Variants in ITGA2 observed in about 807,000 individuals in gnomAD.
ITGA2 encodes integrin subunit alpha 2, also known as integrin alpha-2.
In ITGA2, 101 loss-of-function variants were observed where a neutral mutation model predicts 146.3. The observed-to-expected ratio is 0.69, with a 90% CI of 0.59 to 0.81. The LOEUF (loss-of-function observed/expected upper bound fraction) is 0.81, where lower values mean the gene tolerates loss of function less well. ITGA2 is among the 40% of genes least tolerant of loss of function. The pLI, the probability that ITGA2 is intolerant of heterozygous loss-of-function variation, is 0.00. For synonymous variants in ITGA2, 477 were observed against 487.1 expected, an observed-to-expected ratio of 0.98 and a Z score of 0.27; for missense variants, 1,281 against 1,402.7, an observed-to-expected ratio of 0.91 and a Z score of 1.39.
rs548541753 is a variant in ITGA2, at chr5:53,004,894, G to GTTTTTTTT, written c.64+15394_64+15401dup. ...TACAACTTCTAAGTTTAGTTGCTTT[G>GTTTTTTTT]TTTTTTTTTTTTTTTTTTTTTTTTT... On this transcript the variant is annotated intron_variant, in intron 1 of 29. Coordinates refer to ENST00000296585, the MANE Select transcript of ITGA2 (RefSeq NM_002203.4). Among the ~76,000 whole-genome samples, 22 of 55,944 alleles carry GTTTTTTTT rather than the reference G, an allele frequency of 3.9e-4. 1 individual carries two copies. Among genetic ancestry groups the GTTTTTTTT allele is most frequent in the South Asian group, 1.8e-3 (2 of 1,120 alleles). 36.7% of individuals were successfully genotyped at this position (55,944 alleles called of 152,430 possible). A position where few individuals can be genotyped will look rare whatever the true frequency, so the allele number is the denominator to read the frequency against.
chr5:53,020,260 CAT>C (rs762594270), intron 1 of ITGA2, among the ~76,000 whole-genome samples: 3 of 152,160 alleles, frequency 2.0e-5, no homozygotes, highest in Non-Finnish European at 2.9e-5. Context: ...AGAGAAAAAA[CAT>C]AGAATCATGG....
At position 53,092,925 on chromosome 5, in the gene ITGA2, T is replaced by C. The variant is rs1349621113; in HGVS notation, c.*2326T>C. 1 of 148,908 alleles carries C rather than the reference T, an allele frequency of 6.7e-6. No homozygotes were observed. The allele number at this position is 148,908 out of a possible 1,614,324, so 9.2% of individuals were successfully genotyped here. ...GAGTTTGAGACTAGCCTGGCCAACA[T>C]GGTGAAACCCCATCTCTAATAATAT... On this transcript the variant is annotated 3_prime_UTR_variant, in exon 30 of 30. Transcript: ENST00000296585.
intron 4 of ITGA2, among the ~76,000 whole-genome samples, chr5:53,046,010 G>A (rs1171527835): frequency 1.3e-5 from 2 of 151,576 alleles, no homozygotes; most frequent in East Asian, 3.9e-4. Context: ...GGCCAACATG[G>A]TGAAACCCCA....
In ITGA2 at chr5:53,025,900, C is replaced by G. The variant is rs370859016; in HGVS notation, c.65-848C>G. On this transcript the variant is annotated intron_variant, in intron 1 of 29. Coordinates refer to ENST00000296585, the MANE Select transcript of ITGA2 (RefSeq NM_002203.4). ...CAGCATTAATGCTGTCAGTGTCATA[C>G]AGAGAAACATGATTTGCCTTATTCC... Among the ~76,000 whole-genome samples the G allele has an allele frequency of 3.3e-5, 5 of 152,284 alleles. No individual in the cohort carries two copies. The East Asian group carries it at 5.8e-4, about 18-fold the overall frequency.
intron 2 of ITGA2, among the ~76,000 whole-genome samples, chr5:53,032,994 T>C (rs1379696646): frequency 6.6e-6 from 1 of 152,124 alleles, no homozygotes; most frequent in African/African-American, 2.4e-5. Flanking sequence ...AGGGCTGGGC[T>C]CGGTGGCTCA....
rs775596093 is a variant in ITGA2 at position 53,055,664 on chromosome 5, C to G, written c.906C>G (p.Asp302Glu). Residue 302 changes from aspartate (D) to glutamate (E), a missense_variant, in exon 8 of 30, where the codon GAC (aspartate) becomes GAG (glutamate). Asp to Glu is a conservative substitution (Grantham distance 45). This residue lies in a region of ITGA2 where 795 missense variants were observed against 841.7 expected (regional missense o/e 0.94). Coordinates refer to ENST00000296585, the MANE Select transcript of ITGA2 (RefSeq NM_002203.4). ...CTGTGATTGATCAATGCAACCATGA[C>G]AATATACTGAGGTTTGGCATAGCAG... ...LKAVIDQCNH[D>E]NILRFGIAVL... 3 of 1,613,232 alleles carry G rather than the reference C, an allele frequency of 1.9e-6. No individual in the cohort carries two copies. The Admixed American group carries it at 5.0e-5, about 27-fold the overall frequency.
At chr5:52,992,943 C>T (rs1041529344) in intron 1 of ITGA2, among the ~76,000 whole-genome samples, 3 of 152,008 alleles carry the variant, frequency 2.0e-5, no homozygotes, top group Non-Finnish European at 4.4e-5. Flanking sequence ...CACTCTAAAG[C>T]CATCTATATA....
chr5:53,073,944 TA>T lies in ITGA2; in HGVS notation c.2572-419del, dbSNP rs376587596. Among the ~76,000 whole-genome samples the T allele has an allele frequency of 6.4e-3, 433 of 67,810 alleles. 2 individuals are homozygous for T. Among genetic ancestry groups the T allele is most frequent in the Middle Eastern group, 0.016 (2 of 124 alleles). The allele number at this position is 67,810 out of a possible 152,430, so 44.5% of individuals were successfully genotyped here. ...AGGGAAAAAAAAACCTGAAGAAAACTAAAAAAAAAAAAAAAAAAAAAACCCT... is the reference window on the plus strand; with the variant it reads ...AGGGAAAAAAAAACCTGAAGAAAACTAAAAAAAAAAAAAAAAAAAAACCCT... On this transcript the variant is annotated intron_variant, in intron 20 of 29. Transcript: ENST00000296585.
At chr5:53,057,875 T>A in intron 9 of ITGA2, 150 bp from the exon 10 acceptor site, 1 of 654,658 alleles carries the variant, frequency 1.5e-6, no homozygotes, top group Non-Finnish European at 2.8e-6. Flanking sequence ...TCCCAGAATA[T>A]GCAAGCTCTG....
At chr5:53,023,314 T>G (rs998093468) in intron 1 of ITGA2, among the ~76,000 whole-genome samples, 3 of 152,238 alleles carry the variant, frequency 2.0e-5, no homozygotes, top group Non-Finnish European at 4.4e-5. Context: ...TTTAACATGA[T>G]GTTCCCGGTG....
chr5:52,998,871 G>A (rs1741422925), intron 1 of ITGA2, among the ~76,000 whole-genome samples: 1 of 152,144 alleles, frequency 6.6e-6, no homozygotes, highest in African/African-American at 2.4e-5. Context: ...CTGAATGAAG[G>A]CCAAGCTGAA....
intron 23 of ITGA2, 85 bp from the exon 24 acceptor site, chr5:53,078,687 T>A: frequency 1.3e-6 from 1 of 790,716 alleles, no homozygotes; most frequent in Non-Finnish European, 2.2e-6. Context: ...TAACCTAAGC[T>A]ATAAGATACT....
Position 53,089,981 on chromosome 5 carries a change from C to G in ITGA2, c.3384C>G (p.Ala1128=), listed in dbSNP as rs376779752. The G allele has an allele frequency of 6.2e-7, 1 of 1,612,582 alleles. No individual in the cohort carries two copies. ...TGATAATGAAACCTGATGAGAAAGC[C>G]GAAGTACCAACAGGAGTTATAATAG... ...PLMIMKPDEK[A]EVPTGVIIGS... Residue 1128 remains alanine (A), a synonymous_variant, in exon 29 of 30, where the codon GCC becomes GCG. Transcript: ENST00000296585.
intron 11 of ITGA2, 106 bp from the exon 12 acceptor site, chr5:53,060,795 A>G: frequency 9.2e-7 from 1 of 1,083,050 alleles, no homozygotes. Flanking sequence ...GAAACTTTGC[A>G]TCACATCTAA....
chr5:53,031,034 C>T (rs964252865), intron 2 of ITGA2, among the ~76,000 whole-genome samples: 1 of 152,186 alleles, frequency 6.6e-6, no homozygotes, highest in African/African-American at 2.4e-5. Flanking sequence ...GCAGTCTTCA[C>T]GACTCTCAGG....
At chr5:52,991,223 T>C (rs190249393) in intron 1 of ITGA2, among the ~76,000 whole-genome samples, 30 of 152,262 alleles carry the variant, frequency 2.0e-4, no homozygotes, top group Admixed American at 1.4e-3. Flanking sequence ...GAACAGGTTT[T>C]CTCTTAATTT....
chr5:53,054,568 C>A (rs1744537132), intron 7 of ITGA2, among the ~76,000 whole-genome samples: 1 of 151,986 alleles, frequency 6.6e-6, no homozygotes, highest in South Asian at 2.1e-4. Context: ...CCTAAGCATC[C>A]AATAATGGGG....
At chr5:53,062,953 T>G in intron 13 of ITGA2, 24 bp downstream of exon 13, 1 of 1,561,238 alleles carries the variant, frequency 6.4e-7, no homozygotes, top group Non-Finnish European at 8.8e-7. Context: ...AATAAACTAA[T>G]AGTTTAATTT....
At chr5:52,989,567 A>G in intron 1 of ITGA2, 35 bp downstream of exon 1, 1 of 1,612,200 alleles carries the variant, frequency 6.2e-7, no homozygotes, top group South Asian at 1.1e-5. Context: ...CGGCTGCAGG[A>G]GGGACCCGCG....
Sources: allele counts gnomAD v4.1 joint callset (sites outside exome capture counted in the v4.1 genomes callset), GRCh38; gene constraint gnomAD v4.1.1; regional missense constraint gnomAD v4.1.1; transcripts MANE v1.5; gene names NCBI Gene and HGNC (gene_info 2026-07-23, HGNC 2026-07-21).